The following IQCH variants were observed in gnomAD, a reference collection of about 807,000 sequenced individuals.
IQCH encodes IQ motif containing H.
Under a neutral mutation model 117.0 loss-of-function variants are expected in IQCH, and 98 were observed. The ratio of observed to expected loss-of-function variants is 0.84; its 90% CI spans 0.71 to 0.99. The LOEUF is 0.99. IQCH is among the 50% of genes least tolerant of loss of function. The probability of loss-of-function intolerance (pLI) is 0.00; values close to 1 mark genes in which losing one functional copy is unlikely to be tolerated. For missense variants in IQCH, 1,102 were observed against 1,243.8 expected (o/e 0.89, Z 1.72); for synonymous variants, 412 against 448.2 (o/e 0.92, Z 1.02).
chr15:67,495,583 A>G (rs1258641787), intron 20 of IQCH, among the ~76,000 whole-genome samples: 1 of 152,206 alleles, frequency 6.6e-6, no homozygotes, highest in Non-Finnish European at 1.5e-5. Flanking sequence ...GCCTCTCTGC[A>G]TTTCATCCAT....
chr15:67,352,284 T>G (rs539300297), intron 6 of IQCH, among the ~76,000 whole-genome samples: 3 of 152,320 alleles, frequency 2.0e-5, no homozygotes, highest in African/African-American at 7.2e-5. Context: ...AACATCTATT[T>G]TTCTTATGTA....
At chr15:67,358,584 T>G (rs1035354861) in intron 7 of IQCH, among the ~76,000 whole-genome samples, 1 of 152,280 alleles carries the variant, frequency 6.6e-6, no homozygotes, top group East Asian at 1.9e-4. Flanking sequence ...GCTGGACTTT[T>G]GTACCTTGCT....
chr15:67,293,682 G>T (rs2140509148), intron 4 of IQCH, among the ~76,000 whole-genome samples: 1 of 152,290 alleles, frequency 6.6e-6, no homozygotes, highest in East Asian at 1.9e-4. Flanking sequence ...ATGTTAGTTG[G>T]TGAGAGAAAA....
chr15:67,352,905 T>C (rs72745461), intron 6 of IQCH, among the ~76,000 whole-genome samples: 15,339 of 152,172 alleles, frequency 0.1, 892 homozygotes, highest in Admixed American at 0.13. Flanking sequence ...TCCAGTACTT[T>C]GGGAGGCTAA....
intron 16 of IQCH, among the ~76,000 whole-genome samples, chr15:67,442,855 G>C (rs1567193143): frequency 2.1e-5 from 3 of 140,592 alleles, no homozygotes; most frequent in African/African-American, 8.6e-5. Context: ...TAGATAGATA[G>C]ATAGATAGAT....
chr15:67,476,532 T>C lies in IQCH; in HGVS notation c.2799+714T>C, dbSNP rs571587740. 6.6e-6 allele frequency among the ~76,000 whole-genome samples: 1 copy of C among 152,336 alleles called. No individual in the cohort carries two copies. The highest frequency in any genetic ancestry group is 1.5e-5 in the Non-Finnish European group (1 of 68,032). ...AGTCCATAGCATCCTCCTACTGATATTTGATAATTTATTTCTGAAGGGAGT... is the reference window on the plus strand; with the variant it reads ...AGTCCATAGCATCCTCCTACTGATACTTGATAATTTATTTCTGAAGGGAGT... On this transcript the variant is annotated intron_variant, in intron 18 of 20. Transcript: ENST00000335894. The surrounding 1 kb of genome is among the most constrained non-coding windows in gnomAD (Gnocchi z 4.1).
chr15:67,384,974 A>G lies in IQCH; in HGVS notation c.1411A>G (p.Asn471Asp). 6.2e-7 allele frequency: 1 copy of G among 1,612,600 alleles called. No individual in the cohort carries two copies. Among genetic ancestry groups the G allele is most frequent in the East Asian group, 2.2e-5 (1 of 44,850 alleles). The change falls in exon 11 of 21, where the codon AAC becomes GAC. Residue 471 changes from asparagine (N) to aspartate (D), a missense_variant. Coordinates refer to ENST00000335894, the MANE Select transcript of IQCH (RefSeq NM_001031715.3). This position sits in a 1 kb window ranked among gnomAD's most constrained non-coding sequence, Gnocchi z 4.3. ...QPVREHIADF[N>D]TQQNMQLGRL... Reference sequence around the variant, plus strand: ...TGTGAGAGAACATATTGCCGATTTCAACACACAGCAGAACATGCAGCTGGG... The same window carrying G: ...TGTGAGAGAACATATTGCCGATTTCGACACACAGCAGAACATGCAGCTGGG...
In IQCH at chr15:67,458,797, G is replaced by A. The variant is rs905448605; in HGVS notation, c.2506-6330G>A. ...GGGGCTGTGAATGCTGTGAACATGG[G>A]CAGAGAGGTGACTCACACATCCCTT... is the stretch of plus-strand genomic sequence containing the variant. On this transcript the variant is annotated intron_variant, in intron 16 of 20. Coordinates refer to ENST00000335894, the MANE Select transcript of IQCH (RefSeq NM_001031715.3). This position sits in a 1 kb window ranked among gnomAD's most constrained non-coding sequence, Gnocchi z 4.1. Among the ~76,000 whole-genome samples the A allele has an allele frequency of 2.0e-5, 3 of 152,312 alleles. No homozygotes were observed. The highest frequency in any genetic ancestry group is 2.1e-4 in the South Asian group (1 of 4,826).
At chr15:67,337,728 C>T (rs1238404534) in intron 5 of IQCH, among the ~76,000 whole-genome samples, 1 of 152,144 alleles carries the variant, frequency 6.6e-6, no homozygotes, top group Admixed American at 6.6e-5. Context: ...CTACTGTTCC[C>T]TGCTATTTAA....
chr15:67,349,786 G>A (rs867280181), intron 6 of IQCH, among the ~76,000 whole-genome samples: 1 of 152,094 alleles, frequency 6.6e-6, no homozygotes, highest in South Asian at 2.1e-4. Context: ...TACCAAAGGA[G>A]ATATATGGAT....
intron 6 of IQCH, among the ~76,000 whole-genome samples, chr15:67,346,599 C>T (rs1478208961): frequency 6.6e-6 from 1 of 152,178 alleles, no homozygotes; most frequent in African/African-American, 2.4e-5. Context: ...TCACCTGCCA[C>T]TTGCCTCCTG....
intron 6 of IQCH, among the ~76,000 whole-genome samples, chr15:67,349,410 G>A (rs950098163): frequency 6.6e-6 from 1 of 152,152 alleles, no homozygotes; most frequent in African/African-American, 2.4e-5. Flanking sequence ...CTTGAGGTCA[G>A]GAGTTTGAGA....
In IQCH at chr15:67,478,956, C is replaced by T. The variant is rs142295957; in HGVS notation, c.2799+3138C>T. Among the ~76,000 whole-genome samples, 506 of 151,968 alleles carry T rather than the reference C, an allele frequency of 3.3e-3. 3 individuals carry two copies. The highest frequency in any genetic ancestry group is 0.012 in the East Asian group (62 of 5,162). On this transcript the variant is annotated intron_variant, in intron 18 of 20. Coordinates refer to ENST00000335894, the MANE Select transcript of IQCH (RefSeq NM_001031715.3). The stretch of plus-strand genomic sequence containing the variant: ...AAGAAAGAAATGAAAAAAGAAAAGG[C>T]GCAGATAATAAACAGAAGTACAAGA...
chr15:67,412,777 T>C (rs1235640034), intron 14 of IQCH, among the ~76,000 whole-genome samples: 1 of 152,178 alleles, frequency 6.6e-6, no homozygotes, highest in African/African-American at 2.4e-5. Context: ...ATATACACTT[T>C]GGGAAGATAG....
At chr15:67,367,579 G>GA (rs965800677) in intron 8 of IQCH, among the ~76,000 whole-genome samples, 2 of 151,906 alleles carry the variant, frequency 1.3e-5, no homozygotes, top group Non-Finnish European at 2.9e-5. Flanking sequence ...AAAAGAAAAA[G>GA]AAAAAAACAG....
chr15:67,455,490 A>T (rs978845102), intron 16 of IQCH, among the ~76,000 whole-genome samples: 5 of 152,202 alleles, frequency 3.3e-5, no homozygotes, highest in African/African-American at 1.2e-4. Flanking sequence ...GTTGTTCTTT[A>T]TTTAAAAATT....
At chr15:67,423,755 G>A (rs888572707) in intron 16 of IQCH, among the ~76,000 whole-genome samples, 1 of 151,114 alleles carries the variant, frequency 6.6e-6, no homozygotes, top group Non-Finnish European at 1.5e-5. Flanking sequence ...TCGGGAGGCT[G>A]AGGCAATAGA....
At chr15:67,328,749 T>A (rs1013912902) in intron 4 of IQCH, among the ~76,000 whole-genome samples, 2 of 152,166 alleles carry the variant, frequency 1.3e-5, no homozygotes, top group Non-Finnish European at 1.5e-5. Flanking sequence ...AATAACATGG[T>A]GAATCTCACA....
At position 67,407,433 on chromosome 15, in the gene IQCH, G is replaced by A. The variant is rs1971952525; in HGVS notation, c.2097+7128G>A. The A allele has an allele frequency of 6.6e-6, 1 of 152,140 alleles. No homozygotes were observed. Among genetic ancestry groups the A allele is most frequent in the African/African-American group, 2.4e-5 (1 of 41,424 alleles). 9.4% of individuals were successfully genotyped at this position (152,140 alleles called of 1,614,324 possible). Reference sequence around the variant, plus strand: ...TTAGAATGTTTTCTTCCAGTTCAGTGGTTATTTTCATGAAGCTGCCAGGGT... The same window carrying A: ...TTAGAATGTTTTCTTCCAGTTCAGTAGTTATTTTCATGAAGCTGCCAGGGT... On this transcript the variant is annotated intron_variant, in intron 14 of 20. Coordinates refer to ENST00000335894, the MANE Select transcript of IQCH (RefSeq NM_001031715.3). The surrounding 1 kb of genome is among the most constrained non-coding windows in gnomAD (Gnocchi z 5.3).
Sources: gnomAD v4.1 joint callset for allele counts (sites outside exome capture counted in the v4.1 genomes callset) on GRCh38, gnomAD v4.1.1 for gene constraint, Gnocchi (gnomAD v3.1) non-coding constraint, MANE v1.5 for transcripts, NCBI Gene and HGNC (gene_info 2026-07-23, HGNC 2026-07-21) for gene names.